Variants in ADAMTS13 observed in about 807,000 individuals in gnomAD.
ADAMTS13 encodes A disintegrin and metalloproteinase with thrombospondin motifs 13.
In ADAMTS13, 110 loss-of-function variants were observed where a neutral mutation model predicts 155.1. That is an observed-to-expected ratio of 0.71 (90% CI 0.61 to 0.83). The LOEUF is 0.83. Among genes scored for constraint, ADAMTS13 ranks in the 40% least tolerant of loss-of-function variants. The probability of loss-of-function intolerance (pLI) is 0.00; values close to 1 mark genes in which losing one functional copy is unlikely to be tolerated. For synonymous variants in ADAMTS13, 758 were observed against 756.4 expected (o/e 1.00, Z -0.03); for missense variants, 1,707 against 1,891.7 (o/e 0.90, Z 1.81).
chr9:133,414,603 G>A (rs587685452), exon 1 of ADAMTS13: 2 of 1,463,348 alleles, frequency 1.4e-6, no homozygotes, highest in Admixed American at 1.7e-5. Context: ...CCTCCATAAG[G>A]AGACAGGCCT....
intron 21 of ADAMTS13, among the ~76,000 whole-genome samples, chr9:133,448,233 C>T (rs1230515752): frequency 2.0e-5 from 3 of 152,200 alleles, no homozygotes; most frequent in Admixed American, 1.3e-4. Flanking sequence ...TGTGATCCGC[C>T]GCCCAAAGTG....
Position 133,448,639 on chromosome 9 carries a change from CAG to C in ADAMTS13, c.2773_2774del (p.Arg925GlyfsTer62). On this transcript the variant is annotated frameshift_variant, in exon 22 of 29. Coordinates refer to ENST00000355699, the MANE Select transcript of ADAMTS13 (RefSeq NM_139027.6). LOFTEE classifies it high-confidence loss of function. ...GTTTCCTGTGCATGGACTCTGCCCT[CAG>C]GGTGCCTGTCCAGGAAGAGCTGTGT... The part of the protein sequence containing the change: ...LRFLCMDSAL[R>X]VPVQEELCGL... 1 of 1,609,978 alleles carries C rather than the reference CAG, an allele frequency of 6.2e-7. No homozygotes were observed. The highest frequency in any genetic ancestry group is 8.5e-7 in the Non-Finnish European group (1 of 1,179,996).
chr9:133,439,261 C>A, intron 14 of ADAMTS13, 105 bp from the exon 15 acceptor site: 1 of 899,908 alleles, frequency 1.1e-6, no homozygotes, highest in Non-Finnish European at 1.9e-6. Context: ...GGAGCCAGCC[C>A]CATGGCATTG....
chr9:133,417,799 G>C, upstream of ADAMTS13: 1 of 1,607,480 alleles, frequency 6.2e-7, no homozygotes, highest in Non-Finnish European at 8.5e-7. Flanking sequence ...TTAGCCACGG[G>C]GCTGCTCGGG....
intron 19 of ADAMTS13, among the ~76,000 whole-genome samples, chr9:133,444,217 C>T (rs1841901662): frequency 6.6e-6 from 1 of 152,218 alleles, no homozygotes; most frequent in African/African-American, 2.4e-5. Context: ...CAGCTGAAAC[C>T]CATTGGCCAC....
chr9:133,445,105 T>C lies in ADAMTS13; in HGVS notation c.2610+53T>C. ...GGGGCTGTTGAGTCCTTTACCTGGC[T>C]GGGAGAACGAGGAGCACCCATTGCC... On this transcript the variant is annotated intron_variant, in intron 20 of 28. Coordinates refer to ENST00000355699, the MANE Select transcript of ADAMTS13 (RefSeq NM_139027.6). This position sits in a 1 kb window ranked among gnomAD's most constrained non-coding sequence, Gnocchi z 5.0. 2 of 1,578,238 alleles carry C rather than the reference T, an allele frequency of 1.3e-6. No individual in the cohort carries two copies. The highest frequency in any genetic ancestry group is 1.7e-6 in the Non-Finnish European group (2 of 1,163,770).
exon 1 of ADAMTS13, chr9:133,414,625 C>T: frequency 6.3e-7 from 1 of 1,589,796 alleles, no homozygotes; most frequent in Non-Finnish European, 8.6e-7. Flanking sequence ...GGTGAAGTCG[C>T]TGTGCCTCGG....
At position 133,441,335 on chromosome 9, in the gene ADAMTS13, C is replaced by T. The variant is rs1032079586; in HGVS notation, c.1968+810C>T. 1.3e-5 allele frequency among the ~76,000 whole-genome samples: 2 copies of T among 152,194 alleles called. No homozygotes were observed. The highest frequency in any genetic ancestry group is 2.4e-5 in the African/African-American group (1 of 41,442). On this transcript the variant is annotated intron_variant, in intron 16 of 28. Transcript: ENST00000355699. The surrounding 1 kb of genome is among the most constrained non-coding windows in gnomAD (Gnocchi z 5.0). ...CTGTGAGCGGCTTATCCCTTCTCTT[C>T]CCCTGATATGGTTCCCTTCCTCCCC...
chr9:133,416,863 T>C (rs186728461), intron 1 of ADAMTS13, among the ~76,000 whole-genome samples: 98 of 152,372 alleles, frequency 6.4e-4, no homozygotes, highest in Non-Finnish European at 1.1e-3. Flanking sequence ...ATAGAGCACA[T>C]GGCAGAGTGC....
rs71281254 is a variant in ADAMTS13, at chr9:133,422,934, CTTTTTTTTTT to C, written c.106-153_106-144del. On this transcript the variant is annotated intron_variant, in intron 1 of 28. Transcript: ENST00000355699. Reference sequence around the variant, plus strand: ...TGTTCTTTTTTCTTTCTCTCTCTCTCTTTTTTTTTTTTTTTTTTTTTTTAAGACATGGGGT... The same window carrying C: ...TGTTCTTTTTTCTTTCTCTCTCTCTCTTTTTTTTTTTTTAAGACATGGGGT... Among the ~76,000 whole-genome samples the C allele has an allele frequency of 9.8e-4, 91 of 93,228 alleles. 1 individual carries two copies. Among genetic ancestry groups the C allele is most frequent in the African/African-American group, 3.3e-3 (90 of 27,418 alleles). The allele number at this position is 93,228 out of a possible 152,430, so 61.2% of individuals were successfully genotyped here. A position where few individuals can be genotyped will look rare whatever the true frequency, so the allele number is the denominator to read the frequency against.
intron 22 of ADAMTS13, among the ~76,000 whole-genome samples, chr9:133,449,193 G>C (rs1842270262): frequency 6.6e-6 from 1 of 152,184 alleles, no homozygotes; most frequent in Non-Finnish European, 1.5e-5. Context: ...CAGGATCTGG[G>C]ATGCTGTGGG....
At chr9:133,422,043 G>T (rs999124197), upstream of ADAMTS13, 1 of 252,978 alleles carries the variant, frequency 4.0e-6, no homozygotes, top group Non-Finnish European at 7.6e-6. Context: ...TCAGATGGGA[G>T]CGGGGACCCC....
intron 11 of ADAMTS13, among the ~76,000 whole-genome samples, chr9:133,435,059 T>A (rs1393446661): frequency 6.6e-6 from 1 of 152,246 alleles, no homozygotes; most frequent in Admixed American, 6.5e-5. Context: ...TTTCACCTTT[T>A]GGCTCCTGTG....
At chr9:133,422,723 G>A (rs1291533264) in intron 1 of ADAMTS13, among the ~76,000 whole-genome samples, 175 bp downstream of exon 1, 2 of 152,094 alleles carry the variant, frequency 1.3e-5, no homozygotes, top group African/African-American at 4.8e-5. Context: ...TGAAGAGGGA[G>A]TTGGTGTCTC....
At chr9:133,428,319 C>T (rs1320901211) in intron 6 of ADAMTS13, among the ~76,000 whole-genome samples, 1 of 152,272 alleles carries the variant, frequency 6.6e-6, no homozygotes, top group Non-Finnish European at 1.5e-5. Flanking sequence ...CCCACCTCCC[C>T]ACAGACTCCT....
intron 9 of ADAMTS13, 25 bp downstream of exon 9, chr9:133,432,717 G>A: frequency 6.5e-7 from 1 of 1,548,346 alleles, no homozygotes; most frequent in Non-Finnish European, 8.7e-7. Context: ...TGAATGAGTG[G>A]GCTCCTGTGA....
intron 21 of ADAMTS13, among the ~76,000 whole-genome samples, chr9:133,446,041 CAGTGTGG>C (rs1842044852): frequency 1.3e-5 from 2 of 152,212 alleles, no homozygotes; most frequent in Admixed American, 1.3e-4. Flanking sequence ...TAACGCCCGG[CAGTGTGG>C]CACGAGAGCC....
At chr9:133,414,518 C>G in exon 1 of ADAMTS13, 3 of 787,354 alleles carry the variant, frequency 3.8e-6, no homozygotes, top group Non-Finnish European at 6.6e-6. Flanking sequence ...TAGGGGAAAA[C>G]AAGTAACAGC....
At chr9:133,437,963 G>T in intron 13 of ADAMTS13, 66 bp downstream of exon 13, 1 of 1,607,550 alleles carries the variant, frequency 6.2e-7, no homozygotes, top group Middle Eastern at 1.8e-4. Flanking sequence ...GCTCCTGGGG[G>T]CAGGTTGGTG....
Sources: allele counts gnomAD v4.1 joint callset (sites outside exome capture counted in the v4.1 genomes callset), GRCh38; gene constraint gnomAD v4.1.1; non-coding constraint Gnocchi (gnomAD v3.1); transcripts MANE v1.5; gene names NCBI Gene and HGNC (gene_info 2026-07-23, HGNC 2026-07-21).